Variants in NCKAP5 observed in about 807,000 individuals in gnomAD.
NCKAP5 encodes the protein nck-associated protein 5.
NCKAP5 carries 92 observed loss-of-function variants against 167.0 expected under a neutral mutation model. That is an observed-to-expected ratio of 0.55 (90% CI 0.47 to 0.66). The LOEUF (loss-of-function observed/expected upper bound fraction) is 0.66. Ranked by LOEUF, NCKAP5 falls within the 30% of genes least tolerant of loss-of-function variation. The pLI is 0.00. For missense variants in NCKAP5, 2,378 were observed against 2,315.0 expected (o/e 1.03, Z -0.56); for synonymous variants, 891 against 877.4 (o/e 1.02, Z -0.27).
the NCKAP5 span, among the ~76,000 whole-genome samples, chr2:133,669,388 A>T: frequency 6.6e-6 from 1 of 151,992 alleles, no homozygotes; most frequent in Non-Finnish European, 1.5e-5. Context: ...TTACTCCACC[A>T]TTTCAGTAGT....
chr2:133,498,559 A>G (rs1479880225), intron 3 of NCKAP5, among the ~76,000 whole-genome samples: 1 of 150,312 alleles, frequency 6.7e-6, no homozygotes, highest in African/African-American at 2.5e-5. Context: ...GAGGGAGGGA[A>G]GGAGAAAAGA....
chr2:133,039,488 G>A (rs879544229), intron 6 of NCKAP5, among the ~76,000 whole-genome samples: 1 of 152,016 alleles, frequency 6.6e-6, no homozygotes, highest in Non-Finnish European at 1.5e-5. Context: ...CTTGAATTTG[G>A]AGCAATAGCC....
intron 10 of NCKAP5, 138 bp from the exon 11 acceptor site, chr2:132,860,749 A>G (rs1488050914): frequency 8.6e-6 from 10 of 1,163,552 alleles, no homozygotes; most frequent in African/African-American, 6.3e-5. Context: ...AGTAAATCAC[A>G]TACGTTTTCG....
chr2:133,648,992 C>A, the NCKAP5 span, among the ~76,000 whole-genome samples: 1 of 151,634 alleles, frequency 6.6e-6, no homozygotes, highest in Admixed American at 6.6e-5. Flanking sequence ...AATTGACAAA[C>A]CCTTAGATAC....
At chr2:133,179,581 A>G (rs983971463) in intron 5 of NCKAP5, among the ~76,000 whole-genome samples, 1 of 152,248 alleles carries the variant, frequency 6.6e-6, no homozygotes, top group Admixed American at 6.5e-5. Flanking sequence ...TTCAATGAAT[A>G]GTAATGAACA....
chr2:133,588,522 AT>A, the NCKAP5 span, among the ~76,000 whole-genome samples: 1 of 146,610 alleles, frequency 6.8e-6, no homozygotes, highest in Non-Finnish European at 1.5e-5. Flanking sequence ...TCCCTGCCTC[AT>A]TTCCTTTTCC....
intron 7 of NCKAP5, among the ~76,000 whole-genome samples, chr2:132,987,881 T>A (rs1010927788): frequency 1.3e-5 from 2 of 152,210 alleles, no homozygotes; most frequent in Non-Finnish European, 2.9e-5. Flanking sequence ...ATTTAATTTC[T>A]CTGTGCCTCA....
At chr2:132,679,324 T>C (rs2105017033) in intron 19 of NCKAP5, among the ~76,000 whole-genome samples, 1 of 152,232 alleles carries the variant, frequency 6.6e-6, no homozygotes, top group Middle Eastern at 3.4e-3. Context: ...GAAGTTCCCT[T>C]CCTGAACTTG....
chr2:133,397,068 A>G (rs146112107), intron 3 of NCKAP5, among the ~76,000 whole-genome samples: 1 of 152,346 alleles, frequency 6.6e-6, no homozygotes, highest in Non-Finnish European at 1.5e-5. Context: ...ATCAGGTTTG[A>G]ACTTTCTTCT....
intron 3 of NCKAP5, among the ~76,000 whole-genome samples, chr2:133,393,183 TA>T (rs1687526169): frequency 6.6e-6 from 1 of 152,202 alleles, no homozygotes; most frequent in South Asian, 2.1e-4. Context: ...AATAATCCAT[TA>T]TGCTTATTTT....
intron 3 of NCKAP5, among the ~76,000 whole-genome samples, chr2:133,334,728 C>A (rs747415108): frequency 6.6e-6 from 1 of 152,136 alleles, no homozygotes; most frequent in African/African-American, 2.4e-5. Flanking sequence ...CCCGTTTTAA[C>A]GGTGGAATCG....
At chr2:132,891,462 C>T (rs762304090) in intron 8 of NCKAP5, among the ~76,000 whole-genome samples, 1 of 152,212 alleles carries the variant, frequency 6.6e-6, no homozygotes, top group African/African-American at 2.4e-5. Flanking sequence ...TCTCTTACTG[C>T]TTCTCTGGAA....
chr2:132,988,633 C>T (rs972521188), intron 7 of NCKAP5, among the ~76,000 whole-genome samples: 1 of 152,186 alleles, frequency 6.6e-6, no homozygotes, highest in African/African-American at 2.4e-5. Context: ...CAGACAGAGG[C>T]TCTCCAGCCT....
At chr2:132,816,066 T>A (rs962764193) in intron 11 of NCKAP5, among the ~76,000 whole-genome samples, 3 of 152,124 alleles carry the variant, frequency 2.0e-5, no homozygotes, top group Admixed American at 6.5e-5. Context: ...ATCTTTTGAG[T>A]CTTCATTTCC....
intron 11 of NCKAP5, among the ~76,000 whole-genome samples, chr2:132,821,754 C>G (rs1193607022): frequency 2.0e-5 from 3 of 152,104 alleles, no homozygotes; most frequent in African/African-American, 2.4e-5. Flanking sequence ...GGCTATCCCC[C>G]ACTTCCCTGG....
At chr2:133,056,786 T>C (rs999410030) in intron 6 of NCKAP5, among the ~76,000 whole-genome samples, 1 of 152,210 alleles carries the variant, frequency 6.6e-6, no homozygotes, top group African/African-American at 2.4e-5. Flanking sequence ...ATTCAGGCAA[T>C]TTTGTTTGAA....
chr2:132,946,639 G>T (rs748528719), intron 8 of NCKAP5, among the ~76,000 whole-genome samples: 43 of 152,278 alleles, frequency 2.8e-4, no homozygotes, highest in Non-Finnish European at 5.4e-4. Context: ...GCTCACACCG[G>T]TAATCCTAGT....
chr2:132,945,511 A>G (rs1358542404), intron 8 of NCKAP5, among the ~76,000 whole-genome samples: 1 of 151,946 alleles, frequency 6.6e-6, no homozygotes, highest in Non-Finnish European at 1.5e-5. Context: ...CCACAGCACG[A>G]ATCGATGGAA....
chr2:132,763,654 T>C (rs1374037671), intron 16 of NCKAP5, among the ~76,000 whole-genome samples: 1 of 152,250 alleles, frequency 6.6e-6, no homozygotes, highest in South Asian at 2.1e-4. Flanking sequence ...TAAACTTCAC[T>C]GTATTACTTA....
Sources: gnomAD v4.1 joint callset for allele counts (sites outside exome capture counted in the v4.1 genomes callset) on GRCh38, gnomAD v4.1.1 for gene constraint, MANE v1.5 for transcripts, NCBI Gene and HGNC (gene_info 2026-07-23, HGNC 2026-07-21) for gene names.